The following ARHGEF7 variants were observed in gnomAD, a reference collection of about 807,000 sequenced individuals.
The protein encoded by ARHGEF7 is PAK-interacting exchange factor beta.
Under a neutral mutation model 109.8 loss-of-function variants are expected in ARHGEF7, and 33 were observed. The observed-to-expected ratio is 0.30, with a 90% CI of 0.23 to 0.40. The LOEUF (loss-of-function observed/expected upper bound fraction) is 0.40. Ranked by LOEUF, ARHGEF7 falls within the 10% of genes least tolerant of loss-of-function variation. ARHGEF7 has a pLI of 1.00. For missense variants in ARHGEF7, 938 were observed against 1,098.5 expected (o/e 0.85, Z 2.07); for synonymous variants, 458 against 424.6 (o/e 1.08, Z -0.97).
At chr13:111,162,563 A>C (rs1452390650) in intron 2 of ARHGEF7, among the ~76,000 whole-genome samples, 1 of 152,172 alleles carries the variant, frequency 6.6e-6, no homozygotes, top group Non-Finnish European at 1.5e-5. Flanking sequence ...TACAGTCGAG[A>C]GACTTCAGAA....
rs2093387225 is a variant in ARHGEF7 at position 111,294,731 on chromosome 13, G to T, written c.2311+2437G>T. On this transcript the variant is annotated intron_variant, in intron 19 of 21. Transcript: ENST00000646102. ...ACTTTTGTGGGACTTCAGTCATGCTGATAATAGAATCTTCTGTTCATACAA... is the reference window on the plus strand; with the variant it reads ...ACTTTTGTGGGACTTCAGTCATGCTTATAATAGAATCTTCTGTTCATACAA... 6 of 985,336 alleles carry T rather than the reference G, an allele frequency of 6.1e-6. No homozygotes were observed. The Admixed American group carries it at 3.1e-4, about 50-fold the overall frequency. 61.0% of individuals were successfully genotyped at this position (985,336 alleles called of 1,614,324 possible).
At chr13:111,152,176 G>T (rs2075924157) in intron 1 of ARHGEF7, among the ~76,000 whole-genome samples, 1 of 144,044 alleles carries the variant, frequency 6.9e-6, no homozygotes, top group Non-Finnish European at 1.5e-5. Flanking sequence ...AATTAAAGGA[G>T]AAAGAATTAA....
chr13:111,288,879 G>A (rs2093141982), intron 18 of ARHGEF7, among the ~76,000 whole-genome samples: 1 of 152,118 alleles, frequency 6.6e-6, no homozygotes, highest in East Asian at 1.9e-4. Flanking sequence ...CAAACCTTGA[G>A]CAAGGTTTCT....
intron 15 of ARHGEF7, 49 bp from the exon 16 acceptor site, chr13:111,283,090 G>A (rs1395211650): frequency 6.5e-7 from 1 of 1,545,696 alleles, no homozygotes; most frequent in Non-Finnish European, 8.8e-7. Context: ...TTCGCGGTGA[G>A]CACGCGAGTC....
chr13:111,287,495 G>C (rs192942222), intron 17 of ARHGEF7, among the ~76,000 whole-genome samples: 1 of 152,344 alleles, frequency 6.6e-6, no homozygotes, highest in Non-Finnish European at 1.5e-5. Flanking sequence ...AGAGATCCCT[G>C]TTCTCATAGA....
chr13:111,169,337 A>C (rs1463692408), intron 2 of ARHGEF7, among the ~76,000 whole-genome samples: 1 of 152,208 alleles, frequency 6.6e-6, no homozygotes, highest in Non-Finnish European at 1.5e-5. Context: ...TACAGGAAGC[A>C]TGATGTTGTC....
intron 8 of ARHGEF7, among the ~76,000 whole-genome samples, chr13:111,247,775 T>C (rs936731508): frequency 6.6e-6 from 1 of 152,192 alleles, no homozygotes; most frequent in African/African-American, 2.4e-5. Context: ...CCATTGTTAA[T>C]GGCTGTGTTT....
At chr13:111,302,915 G>C (rs2093603063) in intron 21 of ARHGEF7, 76 bp from the exon 22 acceptor site, 1 of 1,575,644 alleles carries the variant, frequency 6.3e-7, no homozygotes, top group East Asian at 2.3e-5. Flanking sequence ...AGCTCCTCAA[G>C]GATACACATT....
intron 5 of ARHGEF7, among the ~76,000 whole-genome samples, chr13:111,223,164 G>A (rs2084705206): frequency 6.6e-6 from 1 of 152,192 alleles, no homozygotes; most frequent in Admixed American, 6.5e-5. Flanking sequence ...TACCCCCGTG[G>A]ATAAGGGTGG....
intron 2 of ARHGEF7, among the ~76,000 whole-genome samples, chr13:111,191,811 T>C (rs565416294): frequency 8.5e-5 from 13 of 152,216 alleles, no homozygotes; most frequent in Non-Finnish European, 1.5e-5. Context: ...TTATCCAGGC[T>C]GAGTTAAAGG....
At chr13:111,275,189 C>A (rs2092406707) in intron 11 of ARHGEF7, among the ~76,000 whole-genome samples, 1 of 152,298 alleles carries the variant, frequency 6.6e-6, no homozygotes, top group African/African-American at 2.4e-5. Context: ...TTCTTCTTTT[C>A]AGTCTTCCAT....
chr13:111,155,134 C>T (rs950956323), intron 2 of ARHGEF7, among the ~76,000 whole-genome samples: 1 of 152,128 alleles, frequency 6.6e-6, no homozygotes, highest in Non-Finnish European at 1.5e-5. Context: ...ATATAAAAGA[C>T]TTGAGCATCT....
At chr13:111,297,304 G>A (rs1315268005) in intron 19 of ARHGEF7, among the ~76,000 whole-genome samples, 1 of 152,168 alleles carries the variant, frequency 6.6e-6, no homozygotes, top group Non-Finnish European at 1.5e-5. Context: ...CATCAGATCC[G>A]TAAATGGCAT....
intron 1 of ARHGEF7, among the ~76,000 whole-genome samples, chr13:111,151,138 G>A (rs1393906593): frequency 6.6e-6 from 1 of 152,148 alleles, no homozygotes; most frequent in Non-Finnish European, 1.5e-5. Flanking sequence ...TAAAGTCAGG[G>A]GCTCGTGTGA....
intron 1 of ARHGEF7, among the ~76,000 whole-genome samples, chr13:111,129,418 A>G (rs1008207537): frequency 6.6e-6 from 1 of 152,228 alleles, no homozygotes; most frequent in African/African-American, 2.4e-5. Flanking sequence ...TATTTAAAAG[A>G]CGCTGTTAAG....
At position 111,241,099 on chromosome 13, in the gene ARHGEF7, T is replaced by C. The variant is rs1005334621; in HGVS notation, c.760-2773T>C. On this transcript the variant is annotated intron_variant, in intron 6 of 21. Transcript: ENST00000646102. ...ATAGGGATTGAGTGGCACCAGTGTT[T>C]GACTGCACTTGCCTCTCCATGCCTC... The C allele has an allele frequency of 2.7e-6, 4 of 1,488,738 alleles. No homozygotes were observed. The African/African-American group carries it at 5.6e-5, about 21-fold the overall frequency. The allele number at this position is 1,488,738 out of a possible 1,614,324, so 92.2% of individuals were successfully genotyped here. A position where few individuals can be genotyped will look rare whatever the true frequency, so the allele number is the denominator to read the frequency against.
At chr13:111,237,242 G>A (rs2086959843) in intron 6 of ARHGEF7, among the ~76,000 whole-genome samples, 1 of 152,106 alleles carries the variant, frequency 6.6e-6, no homozygotes, top group Non-Finnish European at 1.5e-5. Flanking sequence ...TGTCTGAAGA[G>A]CTCATTAAGA....
intron 6 of ARHGEF7, among the ~76,000 whole-genome samples, chr13:111,242,652 G>T (rs1334535948): frequency 1.3e-5 from 2 of 152,182 alleles, no homozygotes; most frequent in Non-Finnish European, 2.9e-5. Flanking sequence ...CTTCACTTAC[G>T]TCAGGTCCTT....
intron 2 of ARHGEF7, among the ~76,000 whole-genome samples, chr13:111,161,938 G>A (rs2076775406): frequency 6.6e-6 from 1 of 152,146 alleles, no homozygotes; most frequent in African/African-American, 2.4e-5. Context: ...GGATACAGAG[G>A]TGGATTCTAA....
Sources: gnomAD v4.1 joint callset for allele counts (sites outside exome capture counted in the v4.1 genomes callset) on GRCh38, gnomAD v4.1.1 for gene constraint, MANE v1.5 for transcripts, NCBI Gene and HGNC (gene_info 2026-07-23, HGNC 2026-07-21) for gene names.